Variants in AKT3 observed in about 807,000 individuals in gnomAD.
The protein encoded by AKT3 is AKT serine/threonine kinase 3, also known as RAC-gamma serine/threonine-protein kinase.
A neutral mutation model predicts 65.3 loss-of-function variants in AKT3; 15 were observed. The ratio of observed to expected loss-of-function variants is 0.23; its 90% confidence interval spans 0.15 to 0.35. The LOEUF (loss-of-function observed/expected upper bound fraction) is 0.35, where lower values mean the gene tolerates loss of function less well. Among genes scored for constraint, AKT3 ranks in the 10% least tolerant of loss-of-function variants. The probability of loss-of-function intolerance (pLI) is 1.00; values close to 1 mark genes in which losing one functional copy is unlikely to be tolerated. For synonymous variants in AKT3, 206 were observed against 183.8 expected, an observed-to-expected ratio of 1.12 and a Z score of -0.98; for missense variants, 243 against 576.5, an observed-to-expected ratio of 0.42 and a Z score of 5.92.
In AKT3 at chr1:243,744,738, CAAAA is replaced by C. The variant is rs932389262; in HGVS notation, c.47-49026_47-49023del. Among the ~76,000 whole-genome samples the C allele has an allele frequency of 5.6e-5, 3 of 53,260 alleles. No individual in the cohort carries two copies. The East Asian group carries it at 1.7e-3, about 31-fold the overall frequency. 34.9% of individuals were successfully genotyped at this position (53,260 alleles called of 152,430 possible). ...TGGGTGACAGAGCGAGACTCCGTCT[CAAAA>C]AAAAAAAAAAAAAAAAAATTATTAT... is the stretch of plus-strand genomic sequence containing the variant. On this transcript the variant is annotated intron_variant, in intron 2 of 13. Coordinates refer to ENST00000673466, the MANE Select transcript of AKT3 (RefSeq NM_005465.7).
At chr1:243,509,631 C>T (rs1239727253) in intron 13 of AKT3, among the ~76,000 whole-genome samples, 2 of 152,194 alleles carry the variant, frequency 1.3e-5, no homozygotes, top group Admixed American at 6.5e-5. Context: ...CTCCACTACA[C>T]CACCCCTGCA....
At chr1:243,781,664 AAC>A (rs773211934) in intron 2 of AKT3, among the ~76,000 whole-genome samples, 28 of 152,108 alleles carry the variant, frequency 1.8e-4, no homozygotes, top group East Asian at 1.9e-4. Context: ...GGATTTTTTT[AAC>A]AGTTTTTTAA....
intron 3 of AKT3, among the ~76,000 whole-genome samples, chr1:243,690,239 T>C (rs1684598803): frequency 6.6e-6 from 1 of 152,044 alleles, no homozygotes; most frequent in African/African-American, 2.4e-5. Flanking sequence ...GCACACGTCC[T>C]CCATGTGGGA....
At chr1:243,559,284 G>A (rs1463939156) in intron 10 of AKT3, among the ~76,000 whole-genome samples, 2 of 152,084 alleles carry the variant, frequency 1.3e-5, no homozygotes, top group South Asian at 2.1e-4. Context: ...CAGTGCATAT[G>A]CCAGCTAGAA....
chr1:243,782,060 G>A (rs949442318), intron 2 of AKT3, among the ~76,000 whole-genome samples: 52 of 152,114 alleles, frequency 3.4e-4, no homozygotes, highest in African/African-American at 1.2e-3. Flanking sequence ...TGGGCTAAGT[G>A]ATCTGCCCAC....
intron 9 of AKT3, among the ~76,000 whole-genome samples, chr1:243,571,567 G>C (rs1674569430): frequency 1.3e-5 from 2 of 152,056 alleles, no homozygotes; most frequent in African/African-American, 4.8e-5. Flanking sequence ...CCTACAAATA[G>C]GATTCATAAA....
At chr1:243,614,755 T>C (rs1678170130) in intron 7 of AKT3, among the ~76,000 whole-genome samples, 1 of 152,166 alleles carries the variant, frequency 6.6e-6, no homozygotes. Flanking sequence ...TCTTTACATT[T>C]AAGAAATTTT....
Position 243,850,043 on chromosome 1 carries a change from C to A in AKT3, c.-116G>T, listed in dbSNP as rs1331612508. On this transcript the variant is annotated 5_prime_UTR_variant, in exon 1 of 14. Transcript: ENST00000673466. ...AGTTGGGGGCGGTGGCTGTTACCTG[C>A]AACGGCGGCGGCGGCGGTGGCGGCC... 1.4e-5 allele frequency: 14 copies of A among 984,008 alleles called. No individual in the cohort carries two copies. The highest frequency in any genetic ancestry group is 1.7e-5 in the Non-Finnish European group (14 of 831,320). The allele number at this position is 984,008 out of a possible 1,614,324, so 61.0% of individuals were successfully genotyped here. A position where few individuals can be genotyped will look rare whatever the true frequency, so the allele number is the denominator to read the frequency against.
At chr1:243,717,375 G>A (rs933952229) in intron 2 of AKT3, among the ~76,000 whole-genome samples, 4 of 152,134 alleles carry the variant, frequency 2.6e-5, no homozygotes, top group African/African-American at 7.2e-5. Context: ...AATACTGGAA[G>A]CACTGGCAGA....
chr1:243,548,438 T>C (rs1167896854), intron 11 of AKT3: 1 of 152,186 alleles, frequency 6.6e-6, no homozygotes, highest in Non-Finnish European at 1.5e-5. Context: ...AACTAAAATA[T>C]CAGCTATGAA....
intron 2 of AKT3, among the ~76,000 whole-genome samples, chr1:243,758,481 A>C (rs1285440405): frequency 6.6e-6 from 1 of 152,226 alleles, no homozygotes; most frequent in Non-Finnish European, 1.5e-5. Context: ...AAGAGCATGA[A>C]GCAGGAAGTA....
chr1:243,666,149 G>A lies in AKT3; in HGVS notation c.173-1266C>T, dbSNP rs536471167. 3.9e-5 allele frequency among the ~76,000 whole-genome samples: 6 copies of A among 152,156 alleles called. No individual in the cohort carries two copies. The East Asian group carries it at 5.8e-4, about 15-fold the overall frequency. On this transcript the variant is annotated intron_variant, in intron 3 of 13. Transcript: ENST00000673466. The stretch of plus-strand genomic sequence containing the variant: ...CACCCAAGTTGCTGTGATTACAGGC[G>A]TGCACCACCATGCCCAGCTTATTTT...
chr1:243,683,995 C>CT (rs1684099501), intron 3 of AKT3, among the ~76,000 whole-genome samples: 1 of 152,160 alleles, frequency 6.6e-6, no homozygotes. Context: ...CCTGCAGCAG[C>CT]TTTGTCTTCC....
rs1053268052 is a variant in AKT3, at chr1:243,822,923, T to G, written c.46+20202A>C. Reference sequence around the variant, plus strand: ...GAAAAGGAGGGACTTCTCCCTAACTTATTTTATGAGGCCAGCAACAACCTG... The same window carrying G: ...GAAAAGGAGGGACTTCTCCCTAACTGATTTTATGAGGCCAGCAACAACCTG... On this transcript the variant is annotated intron_variant, in intron 2 of 13. Transcript: ENST00000673466. 2.6e-5 allele frequency among the ~76,000 whole-genome samples: 4 copies of G among 152,046 alleles called. No individual in the cohort carries two copies. In the South Asian group the frequency reaches 8.3e-4, roughly 32 times the overall value.
chr1:243,668,746 A>G (rs1481128032), intron 3 of AKT3, among the ~76,000 whole-genome samples: 2 of 152,180 alleles, frequency 1.3e-5, no homozygotes, highest in Non-Finnish European at 2.9e-5. Flanking sequence ...TACTTTAACC[A>G]AGTAAGTTTG....
chr1:243,849,905 A>T (rs980640669), intron 1 of AKT3, 135 bp downstream of exon 1: 46 of 646,266 alleles, frequency 7.1e-5, no homozygotes, highest in Non-Finnish European at 8.6e-5. Flanking sequence ...GTGACAACCC[A>T]GAAGCCCCCG....
At chr1:243,496,768 T>G (rs1467205093), downstream of AKT3, among the ~76,000 whole-genome samples, 1 of 152,258 alleles carries the variant, frequency 6.6e-6, no homozygotes, top group Non-Finnish European at 1.5e-5. Flanking sequence ...CCAGAGCAAC[T>G]GATTTCTTAC....
intron 12 of AKT3, 122 bp downstream of exon 12, chr1:243,545,388 G>T (rs898200356): frequency 1.8e-6 from 1 of 541,282 alleles, no homozygotes; most frequent in Non-Finnish European, 3.1e-6. Flanking sequence ...TCACTTAAAT[G>T]TCGGTAAAAT....
At chr1:243,752,380 C>T (rs1433316182) in intron 2 of AKT3, among the ~76,000 whole-genome samples, 2 of 152,144 alleles carry the variant, frequency 1.3e-5, no homozygotes, top group Admixed American at 6.5e-5. Context: ...TTTGATGACA[C>T]TAATTCAGCC....
Sources: gnomAD v4.1 joint callset for allele counts (sites outside exome capture counted in the v4.1 genomes callset) on GRCh38, gnomAD v4.1.1 for gene constraint, MANE v1.5 for transcripts, NCBI Gene and HGNC (gene_info 2026-07-23, HGNC 2026-07-21) for gene names.